Variants in TCF7L2 observed in about 807,000 individuals in gnomAD.
The protein encoded by TCF7L2 is transcription factor 7-like 2.
Under a neutral mutation model 77.9 loss-of-function variants are expected in TCF7L2, and 23 were observed. That is an observed-to-expected ratio of 0.30 (90% CI 0.21 to 0.42). TCF7L2 has a LOEUF of 0.42. TCF7L2 is among the 10% of genes least tolerant of loss of function. The pLI is 1.00. For missense variants in TCF7L2, 654 were observed against 793.1 expected, an observed-to-expected ratio of 0.82 and a Z score of 2.11; for synonymous variants, 413 against 340.2, an observed-to-expected ratio of 1.21 and a Z score of -2.36.
At position 112,992,786 on chromosome 10, in the gene TCF7L2, C is replaced by T. The variant is rs1403307018; in HGVS notation, c.450+28162C>T. On this transcript the variant is annotated intron_variant, in intron 4 of 13. Coordinates refer to ENST00000627217, the MANE Select transcript of TCF7L2 (RefSeq NM_001146274.2). ...TTTCTTTCTTTTTTTTTTTTTGAGA[C>T]GGAGTCTCACTCTGTCACCCAGGCT... 4.7e-5 allele frequency among the ~76,000 whole-genome samples: 7 copies of T among 150,410 alleles called. No individual in the cohort carries two copies. In the South Asian group the frequency reaches 6.3e-4, roughly 14 times the overall value.
chr10:113,127,915 G>GA (rs2065925569), intron 5 of TCF7L2, among the ~76,000 whole-genome samples: 1 of 128,858 alleles, frequency 7.8e-6, no homozygotes, highest in African/African-American at 2.9e-5. Flanking sequence ...GAGAAAGCTA[G>GA]AAAATAAATT....
intron 4 of TCF7L2, among the ~76,000 whole-genome samples, chr10:113,018,493 A>G (rs11196190): frequency 0.55 from 74,856 of 137,278 alleles, 22,207 homozygotes; most frequent in African/African-American, 0.8. Flanking sequence ...CTGTTGCCAG[A>G]TTGGAGTGCA....
intron 4 of TCF7L2, among the ~76,000 whole-genome samples, chr10:112,976,238 G>T (rs2039402747): frequency 6.6e-6 from 1 of 152,202 alleles, no homozygotes; most frequent in Non-Finnish European, 1.5e-5. Context: ...TACCATTGAG[G>T]ATTATGAAGT....
chr10:113,064,585 A>G (rs1487186525), intron 5 of TCF7L2, among the ~76,000 whole-genome samples: 1 of 152,234 alleles, frequency 6.6e-6, no homozygotes, highest in Non-Finnish European at 1.5e-5. Context: ...TGGTGAAGGT[A>G]CTACTGTTCA....
Position 112,964,599 on chromosome 10 carries a change from C to T in TCF7L2, c.425C>T (p.Thr142Met), listed in dbSNP as rs200865074. The T allele has an allele frequency of 4.5e-5, 73 of 1,613,162 alleles. No individual in the cohort carries two copies. Among genetic ancestry groups the T allele is most frequent in the African/African-American group, 1.1e-4 (8 of 74,860 alleles). ...AGCACACATTACTCTGCGTACAAAA[C>T]GATTGAACACCAGATTGCAGTTCAG... The change falls in exon 4 of 14, where the codon ACG (threonine) becomes ATG (methionine). Residue 142 changes from threonine to methionine, a missense_variant. Thr to Met is a moderately conservative substitution (Grantham distance 81). This residue lies in a region of TCF7L2 where 132 missense variants were observed against 123.7 expected (regional missense o/e 1.07). Transcript: ENST00000627217.
At chr10:113,162,862 A>G (rs1248953814) in intron 13 of TCF7L2, among the ~76,000 whole-genome samples, 3 of 152,144 alleles carry the variant, frequency 2.0e-5, no homozygotes, top group Non-Finnish European at 4.4e-5. Context: ...AGGGGTTTCT[A>G]AGAGGCCACT....
chr10:113,064,309 G>A (rs1028430498), intron 5 of TCF7L2, among the ~76,000 whole-genome samples: 3 of 152,212 alleles, frequency 2.0e-5, no homozygotes, highest in East Asian at 3.8e-4. Flanking sequence ...AGCTGGTTCC[G>A]TGCTCTGCAG....
intron 7 of TCF7L2, among the ~76,000 whole-genome samples, chr10:113,145,261 A>G (rs2069147718): frequency 6.6e-6 from 1 of 152,062 alleles, no homozygotes; most frequent in Admixed American, 6.6e-5. Context: ...ATTTCTTCTA[A>G]ATAGATGGGG....
At chr10:113,147,337 T>G (rs955835823) in intron 8 of TCF7L2, among the ~76,000 whole-genome samples, 4 of 152,220 alleles carry the variant, frequency 2.6e-5, no homozygotes, top group Non-Finnish European at 5.9e-5. Flanking sequence ...CTGCTTTTCC[T>G]ACTTACAAAA....
intron 4 of TCF7L2, among the ~76,000 whole-genome samples, chr10:113,008,930 T>G (rs1377332013): frequency 1.3e-5 from 2 of 152,088 alleles, no homozygotes; most frequent in African/African-American, 2.4e-5. Context: ...ATAAATCTCA[T>G]CTTTTTTGTT....
intron 5 of TCF7L2, among the ~76,000 whole-genome samples, chr10:113,050,053 ATGT>A (rs2054149310): frequency 6.6e-6 from 1 of 152,164 alleles, no homozygotes; most frequent in Non-Finnish European, 1.5e-5. Flanking sequence ...CCTGACTGCA[ATGT>A]GAGGCTGCTG....
At chr10:113,128,398 C>T (rs1222598199) in intron 5 of TCF7L2, among the ~76,000 whole-genome samples, 4 of 152,034 alleles carry the variant, frequency 2.6e-5, no homozygotes, top group South Asian at 4.2e-4. Context: ...TAACTTGTCC[C>T]GTGTCTTAAC....
chr10:113,151,182 C>T lies in TCF7L2; in HGVS notation c.1001+59C>T. 9 of 1,609,208 alleles carry T rather than the reference C, an allele frequency of 5.6e-6. No individual in the cohort carries two copies. The South Asian group carries it at 9.9e-5, about 18-fold the overall frequency. Reference sequence around the variant, plus strand: ...GCCGCAGTGTTCTGCAAGCCTGTTGCAGCTGCTGGGTGGTGGCTTTCTGCC... The same window carrying T: ...GCCGCAGTGTTCTGCAAGCCTGTTGTAGCTGCTGGGTGGTGGCTTTCTGCC... On this transcript the variant is annotated intron_variant, in intron 9 of 13. Transcript: ENST00000627217. The surrounding 1 kb of genome is among the most constrained non-coding windows in gnomAD (Gnocchi z 5.2).
chr10:113,159,070 AT>A (rs1390288755), intron 12 of TCF7L2, among the ~76,000 whole-genome samples: 1 of 151,604 alleles, frequency 6.6e-6, no homozygotes, highest in East Asian at 1.9e-4. Context: ...CCTTAATCTA[AT>A]GGCATTTTTT....
At chr10:112,995,004 G>T (rs151192492) in intron 4 of TCF7L2, among the ~76,000 whole-genome samples, 5 of 152,130 alleles carry the variant, frequency 3.3e-5, no homozygotes, top group African/African-American at 1.2e-4. Flanking sequence ...GGAGGCTTGA[G>T]GCAGGAGAAT....
intron 4 of TCF7L2, among the ~76,000 whole-genome samples, chr10:112,983,578 T>C (rs937877513): frequency 1.3e-5 from 2 of 152,230 alleles, no homozygotes; most frequent in Non-Finnish European, 2.9e-5. Context: ...CACTCCTTTC[T>C]TTCTTTATGT....
At chr10:113,121,561 G>T (rs1028190245) in intron 5 of TCF7L2, among the ~76,000 whole-genome samples, 1 of 152,174 alleles carries the variant, frequency 6.6e-6, no homozygotes. Flanking sequence ...GGTTAAGTGA[G>T]TATCAACATT....
chr10:113,092,357 A>G (rs1175725935), intron 5 of TCF7L2, among the ~76,000 whole-genome samples: 16 of 152,190 alleles, frequency 1.1e-4, no homozygotes, highest in Non-Finnish European at 1.5e-5. Flanking sequence ...CTGTGCTTCA[A>G]TTTCTCCATC....
At chr10:113,109,408 A>G (rs998264338) in intron 5 of TCF7L2, among the ~76,000 whole-genome samples, 1 of 151,986 alleles carries the variant, frequency 6.6e-6, no homozygotes, top group Non-Finnish European at 1.5e-5. Flanking sequence ...TTTTTTTGAG[A>G]CAGGACAGGC....
Sources: allele counts gnomAD v4.1 joint callset (sites outside exome capture counted in the v4.1 genomes callset), GRCh38; gene constraint gnomAD v4.1.1; regional missense constraint gnomAD v4.1.1; non-coding constraint Gnocchi (gnomAD v3.1); transcripts MANE v1.5; gene names NCBI Gene and HGNC (gene_info 2026-07-23, HGNC 2026-07-21).